SYTL4: variants seen among roughly 807,000 people sequenced by gnomAD.
The protein encoded by SYTL4 is synaptotagmin like 4.
In SYTL4, 16 loss-of-function variants were observed where a neutral mutation model predicts 52.7. That is an observed-to-expected ratio of 0.30 (90% CI 0.21 to 0.46). SYTL4 has a LOEUF of 0.46. Ranked by LOEUF, SYTL4 falls within the 20% of genes least tolerant of loss-of-function variation. The pLI, the probability that SYTL4 is intolerant of heterozygous loss-of-function variation, is 1.00. For synonymous variants in SYTL4, 160 were observed against 186.6 expected, an observed-to-expected ratio of 0.86 and a Z score of 1.16; for missense variants, 423 against 519.9, an observed-to-expected ratio of 0.81 and a Z score of 1.81.
At position 100,676,175 on chromosome X, in the gene SYTL4, C is replaced by T. The variant is rs765817223; in HGVS notation, c.1869G>A (p.Gly623=). The T allele has an allele frequency of 1.6e-5, 19 of 1,211,206 alleles. No homozygotes were observed. In the East Asian group the frequency reaches 5.0e-4, roughly 32 times the overall value. ...AGTCCACCACTTCCCCATTACTGAT[C>T]CCTGAGGAGAAACACCAGAAGAGGC... ...LGGVRLGVGT[G]ISNGEVVDWM... The change falls in exon 20 of 20, where the codon GGG becomes GGA. Residue 623 remains glycine, a splice_region_variant and synonymous_variant. Transcript: ENST00000372989.
chrX:100,682,959 G>C (rs1448256124), intron 16 of SYTL4, among the ~76,000 whole-genome samples: 1 of 110,001 alleles, frequency 9.1e-6, no homozygotes, highest in African/African-American at 3.3e-5. Flanking sequence ...ACTGAATGAA[G>C]GTAAGAGTGA....
intron 2 of SYTL4, among the ~76,000 whole-genome samples, chrX:100,723,901 C>T (rs1240556045): frequency 1.9e-5 from 2 of 106,067 alleles, no homozygotes; most frequent in Non-Finnish European, 3.9e-5. Context: ...GGCCAGCCAC[C>T]CTGTCCGGGA....
At chrX:100,708,284 G>A (rs983194797) in intron 2 of SYTL4, among the ~76,000 whole-genome samples, 2 of 111,281 alleles carry the variant, frequency 1.8e-5, no homozygotes, top group African/African-American at 6.5e-5. Flanking sequence ...ACTAAAAAAT[G>A]AGGATAATAT....
intron 2 of SYTL4, among the ~76,000 whole-genome samples, chrX:100,721,809 C>T (rs769038318): frequency 2.9e-4 from 32 of 110,784 alleles, no homozygotes; most frequent in African/African-American, 9.9e-4. Context: ...TTGTTTCTTT[C>T]TCTTTTTTTT....
chrX:100,716,117 G>A (rs1307176848), intron 2 of SYTL4, among the ~76,000 whole-genome samples: 1 of 108,928 alleles, frequency 9.2e-6, no homozygotes, highest in Non-Finnish European at 1.9e-5. Flanking sequence ...ATCTAGTACC[G>A]ATGGGCGGGG....
At chrX:100,690,847 C>T (rs1051101196) in intron 9 of SYTL4, among the ~76,000 whole-genome samples, 7 of 112,120 alleles carry the variant, frequency 6.2e-5, no homozygotes, top group Non-Finnish European at 3.8e-5. Context: ...CACCCTCATT[C>T]TTAAGGGACA....
At chrX:100,707,557 G>A (rs144184619) in intron 2 of SYTL4, among the ~76,000 whole-genome samples, 122 of 111,937 alleles carry the variant, frequency 1.1e-3, no homozygotes, top group African/African-American at 3.7e-3. Context: ...TATTTTTATG[G>A]TAAATAGTAC....
At chrX:100,711,684 C>T (rs952585158) in intron 2 of SYTL4, among the ~76,000 whole-genome samples, 1 of 111,632 alleles carries the variant, frequency 9.0e-6, no homozygotes, top group Non-Finnish European at 1.9e-5. Context: ...ACCTTCTATA[C>T]ATGTCATTGA....
intron 2 of SYTL4, among the ~76,000 whole-genome samples, chrX:100,726,674 A>G (rs1299576392): frequency 9.0e-6 from 1 of 110,954 alleles, no homozygotes; most frequent in African/African-American, 3.3e-5. Context: ...TCTTATATTT[A>G]AAGTAAAACA....
rs767254640 is a variant in SYTL4 at position 100,701,280 on chromosome X, G to A, written c.376C>T (p.Arg126Cys). ...GDWFYDQKVN[R>C]FAYRTGSEII... Reference sequence around the variant, plus strand: ...TCACTACCTGTGCGGTAAGCAAAGCGATTCACTTTCTGGTCATAAAACCAG... The same window carrying A: ...TCACTACCTGTGCGGTAAGCAAAGCAATTCACTTTCTGGTCATAAAACCAG... Residue 126 changes from arginine (R) to cysteine (C), a missense_variant, in exon 7 of 20, where the codon CGC (arginine) becomes TGC (cysteine). Physicochemically the swap from Arg to Cys is radical, Grantham distance 180. Transcript: ENST00000372989. 21 of 1,211,655 alleles carry A rather than the reference G, an allele frequency of 1.7e-5. No homozygotes were observed. Among genetic ancestry groups the A allele is most frequent in the Admixed American group, 2.2e-5 (1 of 46,094 alleles).
chrX:100,699,877 T>A (rs1165811236), intron 8 of SYTL4, among the ~76,000 whole-genome samples: 1 of 110,533 alleles, frequency 9.0e-6, no homozygotes, highest in African/African-American at 3.3e-5. Context: ...TAAATACATA[T>A]CATGGGGTAT....
intron 16 of SYTL4, chrX:100,685,293 A>G (rs1415860915): frequency 8.9e-6 from 1 of 112,051 alleles, no homozygotes; most frequent in Admixed American, 9.5e-5. Flanking sequence ...CCCACATTTA[A>G]AACGCTAGTG....
chrX:100,678,320 G>A (rs2083315430), intron 19 of SYTL4, 71 bp downstream of exon 19: 3 of 773,657 alleles, frequency 3.9e-6, no homozygotes, highest in South Asian at 2.3e-5. Flanking sequence ...GTGTTGGGGG[G>A]CGGGAATGGT....
At position 100,723,951 on chromosome X, in the gene SYTL4, G is replaced by A. The variant is rs776113535; in HGVS notation, c.-240+7467C>T. On this transcript the variant is annotated intron_variant, in intron 2 of 19. Transcript: ENST00000372989. ...CAGCCCCCGCCAGGCCAGCCGCCCC[G>A]TCAGGGAGGGAGGTGGGGGGGTCAG... is the stretch of plus-strand genomic sequence containing the variant. Among the ~76,000 whole-genome samples, 24 of 94,111 alleles carry A rather than the reference G, an allele frequency of 2.6e-4. 1 individual carries two copies. In the South Asian group the frequency reaches 3.9e-3, roughly 15 times the overall value. 81.7% of individuals were successfully genotyped at this position (94,111 alleles called of 115,157 possible). A position where few individuals can be genotyped will look rare whatever the true frequency, so the allele number is the denominator to read the frequency against.
At chrX:100,722,416 G>A (rs1336278393) in intron 2 of SYTL4, among the ~76,000 whole-genome samples, 17 of 111,365 alleles carry the variant, frequency 1.5e-4, no homozygotes, top group Non-Finnish European at 3.2e-4. Flanking sequence ...CTCAAACCTT[G>A]TCCCATCTTA....
At chrX:100,720,987 T>C (rs1398313188) in intron 2 of SYTL4, among the ~76,000 whole-genome samples, 1 of 111,699 alleles carries the variant, frequency 9.0e-6, no homozygotes, top group Non-Finnish European at 1.9e-5. Flanking sequence ...CCTCCTAAAC[T>C]GCTTAACCAT....
chrX:100,698,039 T>C (rs749365378), intron 8 of SYTL4, among the ~76,000 whole-genome samples: 175 of 112,215 alleles, frequency 1.6e-3, no homozygotes, highest in Admixed American at 3.9e-3. Flanking sequence ...ATATCACATA[T>C]AGGGAAAAAT....
intron 19 of SYTL4, among the ~76,000 whole-genome samples, chrX:100,676,591 T>G (rs913927659): frequency 2.7e-5 from 3 of 111,572 alleles, no homozygotes; most frequent in African/African-American, 9.8e-5. Context: ...TTCAAGCGAT[T>G]CTCCCGCCTC....
intron 18 of SYTL4, among the ~76,000 whole-genome samples, 182 bp downstream of exon 18, chrX:100,679,131 C>T (rs1005527494): frequency 5.3e-5 from 6 of 112,272 alleles, no homozygotes; most frequent in African/African-American, 1.9e-4. Context: ...TTTGGATTAT[C>T]AAGTCTACAG....
Sources: gnomAD v4.1 joint callset for allele counts (sites outside exome capture counted in the v4.1 genomes callset) on GRCh38, gnomAD v4.1.1 for gene constraint, MANE v1.5 for transcripts, NCBI Gene and HGNC (gene_info 2026-07-23, HGNC 2026-07-21) for gene names.